The following MAPK10 variants were observed in gnomAD, a reference collection of about 807,000 sequenced individuals.
MAPK10 encodes the protein mitogen-activated protein kinase 10.
MAPK10 carries 25 observed loss-of-function variants against 59.3 expected under a neutral mutation model. That is an observed-to-expected ratio of 0.42 (90% CI 0.31 to 0.59). MAPK10 has a LOEUF of 0.59. Ranked by LOEUF, MAPK10 falls within the 20% of genes least tolerant of loss-of-function variation. The probability of loss-of-function intolerance (pLI) is 0.15; values close to 1 mark genes in which losing one functional copy is unlikely to be tolerated. For missense variants in MAPK10, 351 were observed against 568.9 expected (o/e 0.62, Z 3.90); for synonymous variants, 190 against 200.5 (o/e 0.95, Z 0.44).
chr4:86,414,642 C>T (rs755711552), intron 1 of MAPK10, among the ~76,000 whole-genome samples: 6 of 152,078 alleles, frequency 3.9e-5, no homozygotes, highest in Non-Finnish European at 8.8e-5. Context: ...TTTCCTGTTC[C>T]TATTATTTGG....
chr4:86,568,120 A>G (rs778364736), intron 1 of MAPK10, among the ~76,000 whole-genome samples: 2 of 152,210 alleles, frequency 1.3e-5, no homozygotes, highest in Non-Finnish European at 2.9e-5. Flanking sequence ...AAATCAACAT[A>G]TAAAAATCAG....
At chr4:86,520,213 C>G (rs574606187) in intron 1 of MAPK10, among the ~76,000 whole-genome samples, 10 of 152,280 alleles carry the variant, frequency 6.6e-5, no homozygotes, top group African/African-American at 2.4e-4. Context: ...AATAAGCTTT[C>G]CAAACTTTTA....
At chr4:86,328,291 T>G (rs1460896377) in intron 2 of MAPK10, among the ~76,000 whole-genome samples, 2 of 152,120 alleles carry the variant, frequency 1.3e-5, no homozygotes, top group Admixed American at 1.3e-4. Context: ...AAATCAAAAC[T>G]ATAATGAAAA....
intron 3 of MAPK10, among the ~76,000 whole-genome samples, chr4:86,170,371 C>T (rs541003498): frequency 6.6e-6 from 1 of 152,052 alleles, no homozygotes; most frequent in South Asian, 2.1e-4. Flanking sequence ...GGAAGATCTA[C>T]CAAGCAAATG....
chr4:86,408,889 G>T (rs1315191208), intron 1 of MAPK10, among the ~76,000 whole-genome samples: 2 of 152,150 alleles, frequency 1.3e-5, no homozygotes, highest in African/African-American at 2.4e-5. Flanking sequence ...TTGCTGTGCA[G>T]AAGCTCTTTA....
chr4:86,112,787 T>G (rs183929916), intron 4 of MAPK10, among the ~76,000 whole-genome samples: 2 of 152,322 alleles, frequency 1.3e-5, no homozygotes, highest in East Asian at 3.9e-4. Flanking sequence ...TTTGTCTCGA[T>G]GATCTGCCTA....
chr4:86,327,843 G>A (rs1195314224), intron 2 of MAPK10: 1 of 148,248 alleles, frequency 6.7e-6, no homozygotes, highest in Non-Finnish European at 1.5e-5. Flanking sequence ...CCAGCTAATT[G>A]GGAGGCAGAG....
chr4:86,395,321 A>C (rs2149012399), intron 1 of MAPK10, among the ~76,000 whole-genome samples: 1 of 152,358 alleles, frequency 6.6e-6, no homozygotes, highest in East Asian at 1.9e-4. Flanking sequence ...CTCTAGCTAT[A>C]AAATAAACAT....
chr4:86,587,956 G>A (rs558843738), intron 1 of MAPK10, among the ~76,000 whole-genome samples: 6 of 152,292 alleles, frequency 3.9e-5, no homozygotes, highest in East Asian at 1.9e-4. Flanking sequence ...GTTTGAGGCC[G>A]CTGTGTAGTA....
At position 86,345,196 on chromosome 4, in the gene MAPK10, G is replaced by A. The variant is rs148065846; in HGVS notation, c.-7+9334C>T. ...GCCTTCTGAGCCCCCTCTTCCCCTC[G>A]TAGCTGCTTTGCATCCTCATGGAGT... On this transcript the variant is annotated intron_variant, in intron 2 of 13. Transcript: ENST00000641462. 5.8e-3 allele frequency among the ~76,000 whole-genome samples: 882 copies of A among 152,170 alleles called. 5 individuals carry two copies. The highest frequency in any genetic ancestry group is 0.02 in the African/African-American group (813 of 41,510).
chr4:86,224,395 T>C lies in MAPK10; in HGVS notation c.-6-29988A>G, dbSNP rs111755833. Among the ~76,000 whole-genome samples the C allele has an allele frequency of 7.5e-3, 1,136 of 152,264 alleles. 14 individuals carry two copies. The highest frequency in any genetic ancestry group is 0.026 in the African/African-American group (1,073 of 41,538). ...AGTCAGAAATATTAAGGAAGTGATA[T>C]ATTAACTGAAAGCTTAAGAATGAGT... On this transcript the variant is annotated intron_variant, in intron 2 of 13. Transcript: ENST00000641462.
intron 2 of MAPK10, among the ~76,000 whole-genome samples, chr4:86,247,890 A>G (rs2093198976): frequency 6.6e-6 from 1 of 152,218 alleles, no homozygotes; most frequent in Non-Finnish European, 1.5e-5. Flanking sequence ...TCCAAGTGAT[A>G]ACATCCTTCA....
intron 2 of MAPK10, among the ~76,000 whole-genome samples, chr4:86,311,909 AT>A (rs1390985831): frequency 1.1e-4 from 16 of 152,122 alleles, no homozygotes; most frequent in African/African-American, 3.9e-4. Flanking sequence ...CTCTTTTATT[AT>A]TTTATAAAAG....
chr4:86,096,005 T>C (rs2054152622), intron 9 of MAPK10, among the ~76,000 whole-genome samples: 1 of 151,904 alleles, frequency 6.6e-6, no homozygotes, highest in South Asian at 2.1e-4. Context: ...TAGGTGTCTT[T>C]ATGCAATTTT....
rs141331052 is a variant in MAPK10, at chr4:86,471,247, C to T, written c.-262-116603G>A. On this transcript the variant is annotated intron_variant, in intron 1 of 4. Coordinates refer to the MAPK10 transcript ENST00000502302. ...TCATGCCATTGCACTCCAGCCTGAG[C>T]GACACAGCAAGACTCTGTGCCCCCC... 2.5e-3 allele frequency among the ~76,000 whole-genome samples: 341 copies of T among 133,860 alleles called. 1 individual carries two copies. The highest frequency in any genetic ancestry group is 8.9e-3 in the Middle Eastern group (2 of 224). The allele number at this position is 133,860 out of a possible 152,430, so 87.8% of individuals were successfully genotyped here. A position where few individuals can be genotyped will look rare whatever the true frequency, so the allele number is the denominator to read the frequency against.
At chr4:86,463,740 C>T (rs1751953967) in intron 1 of MAPK10, among the ~76,000 whole-genome samples, 1 of 152,136 alleles carries the variant, frequency 6.6e-6, no homozygotes. Context: ...GCATTCCTAC[C>T]TATGCCATGA....
At chr4:86,475,450 C>T (rs79926538) in intron 1 of MAPK10, among the ~76,000 whole-genome samples, 16 of 152,118 alleles carry the variant, frequency 1.1e-4, no homozygotes, top group African/African-American at 2.4e-4. Context: ...TCAATCTTGG[C>T]GCCACACTTC....
In MAPK10 at chr4:86,316,286, C is replaced by A. The variant is rs116306241; in HGVS notation, c.-7+38244G>T. Among the ~76,000 whole-genome samples, 1,263 of 152,164 alleles carry A rather than the reference C, an allele frequency of 8.3e-3. 24 individuals are homozygous for A. Among genetic ancestry groups the A allele is most frequent in the African/African-American group, 0.028 (1,174 of 41,508 alleles). On this transcript the variant is annotated intron_variant, in intron 2 of 13. Transcript: ENST00000641462. ...ATTCACATCTGAAAAAATTTTGCAA[C>A]GCATTAAACCCTAGCATTTATATAT...
chr4:86,437,213 C>CAAA lies in MAPK10; in HGVS notation c.-122+15814_-122+15816dup, dbSNP rs61312037. On this transcript the variant is annotated intron_variant, in intron 1 of 13. Coordinates refer to the MAPK10 transcript ENST00000361569. ...TGGGCGACAGAGTGAGACTCTGTCT[C>CAAA]AAAAAAAAAAAAAAAAAAAATGATG... Among the ~76,000 whole-genome samples the CAAA allele has an allele frequency of 5.8e-3, 472 of 80,744 alleles. 3 individuals are homozygous for CAAA. Among genetic ancestry groups the CAAA allele is most frequent in the African/African-American group, 0.021 (448 of 21,598 alleles). 53.0% of individuals were successfully genotyped at this position (80,744 alleles called of 152,430 possible). A position where few individuals can be genotyped will look rare whatever the true frequency, so the allele number is the denominator to read the frequency against.
Sources: gnomAD v4.1 joint callset for allele counts (sites outside exome capture counted in the v4.1 genomes callset) on GRCh38, gnomAD v4.1.1 for gene constraint, MANE v1.5 for transcripts, NCBI Gene and HGNC (gene_info 2026-07-23, HGNC 2026-07-21) for gene names.